CTNNA3: variants seen among roughly 807,000 people sequenced by gnomAD.
The protein encoded by CTNNA3 is catenin alpha-3.
Under a neutral mutation model 95.7 loss-of-function variants are expected in CTNNA3, and 76 were observed. That is an observed-to-expected ratio of 0.79 (90% confidence interval 0.66 to 0.96). The LOEUF (loss-of-function observed/expected upper bound fraction) is 0.96. CTNNA3 is among the 40% of genes least tolerant of loss of function. The pLI, the probability that CTNNA3 is intolerant of heterozygous loss-of-function variation, is 0.00. For missense variants in CTNNA3, 1,191 were observed against 1,089.8 expected, an observed-to-expected ratio of 1.09 and a Z score of -1.31; for synonymous variants, 431 against 374.4, an observed-to-expected ratio of 1.15 and a Z score of -1.74.
chr10:66,216,381 C>T (rs922913057), intron 13 of CTNNA3, among the ~76,000 whole-genome samples: 1 of 152,210 alleles, frequency 6.6e-6, no homozygotes. Context: ...CACTGTCACC[C>T]ATGACTAGGG....
intron 13 of CTNNA3, among the ~76,000 whole-genome samples, chr10:66,217,631 C>T (rs961321037): frequency 2.6e-5 from 4 of 152,006 alleles, no homozygotes; most frequent in African/African-American, 9.7e-5. Context: ...TTTCATTGTT[C>T]TGTGGTAAAT....
intron 5 of CTNNA3, among the ~76,000 whole-genome samples, chr10:67,455,548 G>C (rs1007944607): frequency 1.3e-5 from 2 of 152,106 alleles, no homozygotes; most frequent in East Asian, 3.9e-4. Context: ...CACTACATTG[G>C]TCAGTGATCA....
At chr10:67,481,377 C>T (rs1262758570) in intron 5 of CTNNA3, among the ~76,000 whole-genome samples, 1 of 152,064 alleles carries the variant, frequency 6.6e-6, no homozygotes, top group Non-Finnish European at 1.5e-5. Context: ...ATCTAGAAAA[C>T]CCTAAAGACT....
intron 9 of CTNNA3, among the ~76,000 whole-genome samples, chr10:66,691,041 G>A (rs560290649): frequency 8.1e-4 from 124 of 152,300 alleles, no homozygotes; most frequent in African/African-American, 2.7e-3. Context: ...TGCAGAAGAC[G>A]GGTGATTTCT....
chr10:66,334,561 C>T (rs1407820148), intron 12 of CTNNA3, among the ~76,000 whole-genome samples: 1 of 152,004 alleles, frequency 6.6e-6, no homozygotes, highest in Non-Finnish European at 1.5e-5. Flanking sequence ...AATATTGGCC[C>T]CCACTCTCTT....
At chr10:67,203,397 G>A (rs903703670) in intron 6 of CTNNA3, among the ~76,000 whole-genome samples, 1 of 152,138 alleles carries the variant, frequency 6.6e-6, no homozygotes, top group Non-Finnish European at 1.5e-5. Flanking sequence ...ATGTGGAACT[G>A]TGAATCAATT....
intron 1 of CTNNA3, among the ~76,000 whole-genome samples, chr10:67,715,918 A>T (rs1841139812): frequency 6.6e-6 from 1 of 152,144 alleles, no homozygotes; most frequent in African/African-American, 2.4e-5. Flanking sequence ...CAAATAATAC[A>T]TGCAAATGCT....
intron 5 of CTNNA3, among the ~76,000 whole-genome samples, chr10:67,421,284 A>G (rs1845742687): frequency 6.6e-6 from 1 of 152,250 alleles, no homozygotes; most frequent in African/African-American, 2.4e-5. Flanking sequence ...AATAGAAAAT[A>G]TCCATCATGG....
intron 5 of CTNNA3, among the ~76,000 whole-genome samples, chr10:67,342,302 C>T (rs1359623697): frequency 2.0e-5 from 3 of 151,850 alleles, no homozygotes; most frequent in Middle Eastern, 3.2e-3. Flanking sequence ...AGGGTTTCAC[C>T]GTGTTAAGCC....
intron 10 of CTNNA3, among the ~76,000 whole-genome samples, chr10:66,545,492 A>G: frequency 6.6e-6 from 1 of 152,228 alleles, no homozygotes. Flanking sequence ...ATTACAATTA[A>G]TGCTGCTATT....
intron 14 of CTNNA3, among the ~76,000 whole-genome samples, chr10:66,084,111 G>A (rs1014674616): frequency 1.5e-5 from 2 of 136,514 alleles, no homozygotes; most frequent in African/African-American, 5.3e-5. Flanking sequence ...CTCCAGCATG[G>A]GTAACAACAG....
At chr10:66,860,324 A>G (rs1006700509) in intron 7 of CTNNA3, among the ~76,000 whole-genome samples, 1 of 152,182 alleles carries the variant, frequency 6.6e-6, no homozygotes, top group Non-Finnish European at 1.5e-5. Context: ...GCGAAGAAGA[A>G]AAATTACTTG....
intron 5 of CTNNA3, among the ~76,000 whole-genome samples, chr10:67,472,574 G>A (rs1002326744): frequency 2.6e-5 from 4 of 152,082 alleles, no homozygotes; most frequent in Non-Finnish European, 5.9e-5. Context: ...GTCTGGATAG[G>A]GGAGAAAACC....
chr10:67,067,319 A>G (rs1426659945), intron 7 of CTNNA3, among the ~76,000 whole-genome samples: 1 of 152,136 alleles, frequency 6.6e-6, no homozygotes, highest in Non-Finnish European at 1.5e-5. Context: ...TGCATGTTTA[A>G]TATTTATTGA....
At chr10:67,726,159 ATAATC>A (rs1203413799) in intron 1 of CTNNA3, among the ~76,000 whole-genome samples, 1 of 99,666 alleles carries the variant, frequency 1.0e-5, no homozygotes, top group Non-Finnish European at 1.8e-5. Flanking sequence ...ATTATAATAT[ATAATC>A]TTATATAATA....
chr10:67,368,353 C>A (rs139997646), intron 5 of CTNNA3, among the ~76,000 whole-genome samples: 1 of 152,134 alleles, frequency 6.6e-6, no homozygotes, highest in African/African-American at 2.4e-5. Context: ...AAAAGGCTGA[C>A]CATAAAAAGA....
intron 12 of CTNNA3, among the ~76,000 whole-genome samples, chr10:66,376,091 C>A (rs1464152252): frequency 6.6e-6 from 1 of 152,072 alleles, no homozygotes; most frequent in African/African-American, 2.4e-5. Flanking sequence ...CTGGGGCCTG[C>A]TGATTCCTGA....
At chr10:65,945,458 C>G (rs1163085904) in intron 17 of CTNNA3, among the ~76,000 whole-genome samples, 1 of 152,132 alleles carries the variant, frequency 6.6e-6, no homozygotes, top group Middle Eastern at 3.2e-3. Context: ...AAATGCTGTG[C>G]TTTAAGTCCT....
chr10:66,439,893 T>A (rs995248162), intron 11 of CTNNA3, among the ~76,000 whole-genome samples: 1 of 152,046 alleles, frequency 6.6e-6, no homozygotes, highest in Non-Finnish European at 1.5e-5. Context: ...TCAAAGAAAA[T>A]CTGTATTACA....
Sources: allele counts gnomAD v4.1 joint callset (sites outside exome capture counted in the v4.1 genomes callset), GRCh38; gene constraint gnomAD v4.1.1; transcripts MANE v1.5; gene names NCBI Gene and HGNC (gene_info 2026-07-23, HGNC 2026-07-21).